The following SF3A2 variants were observed in gnomAD, a reference collection of about 807,000 sequenced individuals.
SF3A2 encodes the protein splicing factor 3a subunit 2.
SF3A2 carries 5 observed loss-of-function variants against 31.1 expected under a neutral mutation model. The ratio of observed to expected loss-of-function variants is 0.16; its 90% CI spans 0.08 to 0.34. The LOEUF is 0.34. Among genes scored for constraint, SF3A2 ranks in the 10% least tolerant of loss-of-function variants. SF3A2 has a pLI of 1.00. For synonymous variants in SF3A2, 365 were observed against 263.7 expected (o/e 1.38, Z -3.72); for missense variants, 577 against 643.9 (o/e 0.90, Z 1.13).
rs753527784 is a variant in SF3A2, at chr19:2,248,365, C to T, written c.1214C>T (p.Pro405Leu). 8 of 1,382,424 alleles carry T rather than the reference C, an allele frequency of 5.8e-6. No homozygotes were observed. Among genetic ancestry groups the T allele is most frequent in the East Asian group, 5.9e-5 (2 of 34,154 alleles). 85.6% of individuals were successfully genotyped at this position (1,382,424 alleles called of 1,614,324 possible). A position where few individuals can be genotyped will look rare whatever the true frequency, so the allele number is the denominator to read the frequency against. ...PPAPGMHPQA[P>L]GVHPQPPGVH... ...GCCCCAGGGATGCACCCTCAGGCCC[C>T]GGGGGTCCACCCCCAACCTCCCGGG... The change falls in exon 9 of 9, where the codon CCG (proline) becomes CTG (leucine). Residue 405 changes from proline (P) to leucine (L), a missense_variant. Physicochemically the swap from Pro to Leu is moderately conservative, Grantham distance 98. Around this residue, in one of 6 missense-constraint regions of SF3A2, gnomAD observed 462 missense variants for 339.1 expected, o/e 1.36. Transcript: ENST00000221494.
intron 8 of SF3A2, 47 bp downstream of exon 8, chr19:2,247,709 G>GGCCCTAGCCCT (rs752816691): frequency 1.1e-5 from 17 of 1,611,322 alleles, no homozygotes; most frequent in African/African-American, 2.7e-5. Flanking sequence ...CAGCCCTGGC[G>GGCCCTAGCCCT]GCCCTAGCCC....
At chr19:2,247,156 C>G in intron 7 of SF3A2, 134 bp downstream of exon 7, 1 of 1,056,214 alleles carries the variant, frequency 9.5e-7, no homozygotes. Context: ...CCAGAAGGGT[C>G]TGCACAGGCC....
chr19:2,239,515 C>T (rs1356065651), intron 1 of SF3A2, among the ~76,000 whole-genome samples: 1 of 152,130 alleles, frequency 6.6e-6, no homozygotes, highest in Non-Finnish European at 1.5e-5. Flanking sequence ...TAACATCTTC[C>T]TTGGTGTCGT....
Position 2,242,750 on chromosome 19 carries a change from G to T in SF3A2, c.-37-632G>T, listed in dbSNP as rs931652350. On this transcript the variant is annotated intron_variant, in intron 1 of 8. Coordinates refer to ENST00000221494, the MANE Select transcript of SF3A2 (RefSeq NM_007165.5). ...TTTGCACAGAGCCTGAAAGGGCGTG[G>T]GAGACCTTGGCAGAGGCCTGCATCA... Among the ~76,000 whole-genome samples the T allele has an allele frequency of 2.0e-5, 3 of 152,176 alleles. No homozygotes were observed. In the South Asian group the frequency reaches 6.2e-4, roughly 32 times the overall value.
chr19:2,242,596 A>AT (rs1273773771), intron 1 of SF3A2, among the ~76,000 whole-genome samples: 2 of 152,164 alleles, frequency 1.3e-5, no homozygotes, highest in Non-Finnish European at 2.9e-5. Context: ...GGGGGCAGTG[A>AT]TTCACTCAGT....
rs2024925986 is a variant in SF3A2, at chr19:2,245,723, G to A, written c.355+168G>A. On this transcript the variant is annotated intron_variant, in intron 5 of 8. Transcript: ENST00000221494. This position sits in a 1 kb window ranked among gnomAD's most constrained non-coding sequence, Gnocchi z 4.2. Reference sequence around the variant, plus strand: ...CTGCAGCCTCTGGCGTTGTGTCTGGGAGCTGTCAGGCTGGGCCCGATAAGC... The same window carrying A: ...CTGCAGCCTCTGGCGTTGTGTCTGGAAGCTGTCAGGCTGGGCCCGATAAGC... 1.6e-6 allele frequency: 1 copy of A among 622,920 alleles called. No homozygotes were observed. The highest frequency in any genetic ancestry group is 1.9e-5 in the South Asian group (1 of 53,922). The allele number at this position is 622,920 out of a possible 1,614,324, so 38.6% of individuals were successfully genotyped here.
Position 2,245,449 on chromosome 19 carries a change from C to T in SF3A2, c.249C>T (p.Ala83=). The T allele has an allele frequency of 1.9e-6, 3 of 1,549,898 alleles. No individual in the cohort carries two copies. In the Middle Eastern group the frequency reaches 5.3e-4, roughly 275 times the overall value. The part of the protein sequence containing the change: ...TQGKKHQTNL[A]RRAAKEAKEA... ...AGCACCTCCATCCTGTCCGCAGGGC[C>T]CGGCGAGCAGCCAAGGAGGCCAAGG... Residue 83 remains alanine, a synonymous_variant, in exon 5 of 9, where the codon GCC becomes GCT. Transcript: ENST00000221494. This position sits in a 1 kb window ranked among gnomAD's most constrained non-coding sequence, Gnocchi z 4.2.
chr19:2,247,916 G>A lies in SF3A2; in HGVS notation c.765G>A (p.Pro255=), dbSNP rs746761801. ...PPLPESLPPP[P]PGGLPLPPMP... is the part of the protein sequence containing the mutation. ...TGCCTGAGTCTTTGCCACCGCCCCCGCCAGGAGGCCTGCCTCTGCCACCCA... is the reference window on the plus strand; with the variant it reads ...TGCCTGAGTCTTTGCCACCGCCCCCACCAGGAGGCCTGCCTCTGCCACCCA... Residue 255 remains proline (P), a synonymous_variant, in exon 9 of 9, where the codon CCG becomes CCA. Transcript: ENST00000221494. 5.2e-6 allele frequency: 8 copies of A among 1,542,164 alleles called. No individual in the cohort carries two copies. Among genetic ancestry groups the A allele is most frequent in the African/African-American group, 1.5e-5 (1 of 64,980 alleles).
At position 2,248,077 on chromosome 19, in the gene SF3A2, ACC is replaced by A; in HGVS notation, c.931_932del (p.Pro311SerfsTer?). ...GTCCATCCCCCAGCTCCTGGCGTCC[ACC>A]CCCCAGCTCCTGGCGTCCATCCCCC... On this transcript the variant is annotated frameshift_variant, in exon 9 of 9. Transcript: ENST00000221494. LOFTEE classifies it low-confidence loss of function (END_TRUNC). 2.4e-6 allele frequency: 2 copies of A among 849,698 alleles called. No homozygotes were observed. Among genetic ancestry groups the A allele is most frequent in the African/African-American group, 2.1e-5 (1 of 46,686 alleles). The allele number at this position is 849,698 out of a possible 1,614,324, so 52.6% of individuals were successfully genotyped here.
chr19:2,248,255 A>G lies in SF3A2; in HGVS notation c.1104A>G (p.Pro368=). ...CAGCCCCAGGGGTCCATCCTCCCCC[A>G]TCAGCGGGGGTTCACCCCCAGGCCC... ...HPPAPGVHPP[P]SAGVHPQAPG... Residue 368 remains proline (P), a synonymous_variant, in exon 9 of 9, where the codon CCA becomes CCG. Transcript: ENST00000221494. 9.4e-7 allele frequency: 1 copy of G among 1,068,042 alleles called. No individual in the cohort carries two copies. The highest frequency in any genetic ancestry group is 1.1e-6 in the Non-Finnish European group (1 of 879,350). 66.2% of individuals were successfully genotyped at this position (1,068,042 alleles called of 1,614,324 possible).
chr19:2,246,837 A>C lies in SF3A2; in HGVS notation c.405+35A>C. On this transcript the variant is annotated intron_variant, in intron 6 of 8. Transcript: ENST00000221494. This position sits in a 1 kb window ranked among gnomAD's most constrained non-coding sequence, Gnocchi z 5.5. Reference sequence around the variant, plus strand: ...GGGACTTGGGCGTGGGGGGCGGCCAAAGGCACCCAAGAGGCGGCTCTGCCA... The same window carrying C: ...GGGACTTGGGCGTGGGGGGCGGCCACAGGCACCCAAGAGGCGGCTCTGCCA... 6.2e-7 allele frequency: 1 copy of C among 1,613,570 alleles called. No homozygotes were observed. Among genetic ancestry groups the C allele is most frequent in the Non-Finnish European group, 8.5e-7 (1 of 1,179,910 alleles).
chr19:2,244,851 G>A, intron 4 of SF3A2, 72 bp downstream of exon 4: 1 of 1,434,184 alleles, frequency 7.0e-7, no homozygotes, highest in Non-Finnish European at 9.7e-7. Context: ...GAGCCTCGCG[G>A]GCCACTGCTC....
At chr19:2,243,912 A>G (rs2024910587) in intron 2 of SF3A2, among the ~76,000 whole-genome samples, 1 of 152,216 alleles carries the variant, frequency 6.6e-6, no homozygotes, top group African/African-American at 2.4e-5. Context: ...CACCGTGGAC[A>G]TCGGGGCTGG....
At chr19:2,242,045 C>G (rs2159032) in intron 1 of SF3A2, among the ~76,000 whole-genome samples, 9,820 of 152,232 alleles carry the variant, frequency 0.065, 674 homozygotes, top group African/African-American at 0.17. Flanking sequence ...TCAGGCCCCA[C>G]CACAAGTCAG....
intron 1 of SF3A2, among the ~76,000 whole-genome samples, chr19:2,240,100 T>C (rs989099601): frequency 1.3e-5 from 2 of 152,200 alleles, no homozygotes; most frequent in Admixed American, 1.3e-4. Context: ...GGGCCTTTTC[T>C]TTGAGGTGTG....
Position 2,248,196 on chromosome 19 carries a change from G to A in SF3A2, c.1045G>A (p.Gly349Arg), listed in dbSNP as rs759057180. The stretch of plus-strand genomic sequence containing the variant: ...CCCCGGGGTTCACCCACCAGCCCCC[G>A]GAGTCCACCCACCAGCCCCTGGGGT... ...PAPGVHPPAPGVHPPAPGVHP... is the reference protein window; with the variant it reads ...PAPGVHPPAPRVHPPAPGVHP... Residue 349 changes from glycine (G) to arginine (R), a missense_variant, in exon 9 of 9, where the codon GGA (glycine) becomes AGA (arginine). Coordinates refer to ENST00000221494, the MANE Select transcript of SF3A2 (RefSeq NM_007165.5). 70 of 1,113,372 alleles carry A rather than the reference G, an allele frequency of 6.3e-5. 1 individual carries two copies. The highest frequency in any genetic ancestry group is 2.5e-4 in the Admixed American group (9 of 35,530). 69.0% of individuals were successfully genotyped at this position (1,113,372 alleles called of 1,614,324 possible). A position where few individuals can be genotyped will look rare whatever the true frequency, so the allele number is the denominator to read the frequency against.
chr19:2,248,099 T>A lies in SF3A2; in HGVS notation c.948T>A (p.His316Gln). 1.1e-6 allele frequency: 1 copy of A among 925,728 alleles called. No homozygotes were observed. Among genetic ancestry groups the A allele is most frequent in the Non-Finnish European group, 1.6e-6 (1 of 621,876 alleles). The allele number at this position is 925,728 out of a possible 1,614,324, so 57.3% of individuals were successfully genotyped here. ...TCCACCCCCCAGCTCCTGGCGTCCATCCCCCAGCCCCTGGGGTCCACCCAC... is the reference window on the plus strand; with the variant it reads ...TCCACCCCCCAGCTCCTGGCGTCCAACCCCCAGCCCCTGGGGTCCACCCAC... The part of the protein sequence containing the change: ...PGVHPPAPGV[H>Q]PPAPGVHPPT... Residue 316 changes from histidine to glutamine, a missense_variant, in exon 9 of 9, where the codon CAT becomes CAA. Coordinates refer to ENST00000221494, the MANE Select transcript of SF3A2 (RefSeq NM_007165.5).
chr19:2,245,162 C>T lies in SF3A2; in HGVS notation c.246-284C>T, dbSNP rs1174747307. 1.5e-5 allele frequency: 7 copies of T among 478,040 alleles called. No individual in the cohort carries two copies. Among genetic ancestry groups the T allele is most frequent in the African/African-American group, 2.0e-5 (1 of 49,804 alleles). The allele number at this position is 478,040 out of a possible 1,614,324, so 29.6% of individuals were successfully genotyped here. ...TGCTGCCACTGTACTCCATCCTGGG[C>T]GACAGAGTGAGACTCTTGTCTTATT... On this transcript the variant is annotated intron_variant, in intron 4 of 8. Transcript: ENST00000221494. The surrounding 1 kb of genome is among the most constrained non-coding windows in gnomAD (Gnocchi z 4.2).
At position 2,240,770 on chromosome 19, in the gene SF3A2, T is replaced by A. The variant is rs190498452; in HGVS notation, c.-37-2612T>A. 4.6e-5 allele frequency among the ~76,000 whole-genome samples: 7 copies of A among 152,342 alleles called. No homozygotes were observed. In the East Asian group the frequency reaches 1.2e-3, roughly 25 times the overall value. On this transcript the variant is annotated intron_variant, in intron 1 of 8. Coordinates refer to ENST00000221494, the MANE Select transcript of SF3A2 (RefSeq NM_007165.5). ...TCCCAGCCATCGTGTCATTAGAACG[T>A]TCTGGAAATGTCACTAAAATGTGCC...
Sources: gnomAD v4.1 joint callset for allele counts (sites outside exome capture counted in the v4.1 genomes callset) on GRCh38, gnomAD v4.1.1 for gene constraint, gnomAD v4.1.1 regional missense constraint, Gnocchi (gnomAD v3.1) non-coding constraint, MANE v1.5 for transcripts, NCBI Gene and HGNC (gene_info 2026-07-23, HGNC 2026-07-21) for gene names.